The following SPINK13 variants were observed in gnomAD, a reference collection of about 807,000 sequenced individuals.
SPINK13 encodes serine peptidase inhibitor Kazal type 13.
In SPINK13, 11 loss-of-function variants were observed where a neutral mutation model predicts 11.0. That is an observed-to-expected ratio of 1.00 (90% confidence interval 0.63 to 1.65). The LOEUF is 1.65. Among genes scored for constraint, SPINK13 ranks in the 40% most tolerant of loss-of-function variants. SPINK13 has a pLI of 0.00. For synonymous variants in SPINK13, 31 were observed against 35.6 expected (o/e 0.87, Z 0.46); for missense variants, 113 against 117.7 (o/e 0.96, Z 0.19).
intron 3 of SPINK13, among the ~76,000 whole-genome samples, chr5:148,279,091 CTTTTTTTTTTT>C (rs746029113): frequency 1.4e-4 from 7 of 51,660 alleles, no homozygotes; most frequent in African/African-American, 4.8e-4. Context: ...GCAACCCCTG[CTTTTTTTTTTT>C]TTTTTTTTTT....
chr5:148,274,864 T>C (rs576740052), intron 3 of SPINK13, among the ~76,000 whole-genome samples: 1 of 152,210 alleles, frequency 6.6e-6, no homozygotes, highest in Non-Finnish European at 1.5e-5. Context: ...TAAAATATAA[T>C]ATTTTAGTAA....
intron 1 of SPINK13, 100 bp from the exon 2 acceptor site, chr5:148,269,940 C>A: frequency 2.7e-6 from 2 of 730,440 alleles, no homozygotes; most frequent in Non-Finnish European, 4.4e-6. Flanking sequence ...ATCACCAGGG[C>A]AAGTGTACAG....
At chr5:148,276,724 T>A (rs1756435265) in intron 3 of SPINK13, among the ~76,000 whole-genome samples, 2 of 152,220 alleles carry the variant, frequency 1.3e-5, no homozygotes. Context: ...CCTCTAGATT[T>A]GTTCTTTTTG....
At chr5:148,285,960 T>C (rs376107635) in intron 4 of SPINK13, 40 bp from the exon 5 acceptor site, 13 of 1,240,642 alleles carry the variant, frequency 1.0e-5, no homozygotes, top group South Asian at 7.0e-5. Flanking sequence ...ATGTTCACTT[T>C]CCTTATGATA....
At chr5:148,269,216 T>G (rs1756310353) in intron 1 of SPINK13, among the ~76,000 whole-genome samples, 1 of 152,190 alleles carries the variant, frequency 6.6e-6, no homozygotes, top group Admixed American at 6.5e-5. Flanking sequence ...CAATTTAATA[T>G]GTTTAAACTC....
At chr5:148,279,256 T>C (rs1235517556) in intron 3 of SPINK13, among the ~76,000 whole-genome samples, 1 of 152,152 alleles carries the variant, frequency 6.6e-6, no homozygotes, top group Non-Finnish European at 1.5e-5. Flanking sequence ...TGTCTTTTAA[T>C]TGGGGCATTT....
chr5:148,279,091 C>CTTTTTTTTTTTTTTT (rs746029113), intron 3 of SPINK13, among the ~76,000 whole-genome samples: 100 of 51,686 alleles, frequency 1.9e-3, no homozygotes, highest in Middle Eastern at 0.018. Context: ...GCAACCCCTG[C>CTTTTTTTTTTTTTTT]TTTTTTTTTT....
At chr5:148,269,690 G>T (rs1756318021) in intron 1 of SPINK13, among the ~76,000 whole-genome samples, 1 of 152,124 alleles carries the variant, frequency 6.6e-6, no homozygotes. Flanking sequence ...CAAGAAGGCA[G>T]CAGCTTAGGT....
At position 148,274,389 on chromosome 5, in the gene SPINK13, A is replaced by G. The variant is rs374641793; in HGVS notation, c.108+5A>G. On this transcript the variant is annotated splice_donor_5th_base_variant and intron_variant, in intron 3 of 4. Coordinates refer to ENST00000398450, the MANE Select transcript of SPINK13 (RefSeq NM_001040129.3). The stretch of plus-strand genomic sequence containing the variant: ...GACTTCACTAGGTGGCCTAAGGTAA[A>G]TTTAAATTTCTCAGTTCTAGGTTGT... 2.4e-5 allele frequency: 39 copies of G among 1,610,222 alleles called. No homozygotes were observed. In the African/African-American group the frequency reaches 4.9e-4, roughly 20 times the overall value.
chr5:148,272,216 T>C (rs1195811958), intron 2 of SPINK13, among the ~76,000 whole-genome samples: 2 of 152,186 alleles, frequency 1.3e-5, no homozygotes, highest in Non-Finnish European at 2.9e-5. Context: ...GAACGAGAGT[T>C]TCTCTTAGGT....
intron 3 of SPINK13, among the ~76,000 whole-genome samples, chr5:148,279,036 G>C (rs928672090): frequency 2.1e-5 from 3 of 145,336 alleles, no homozygotes; most frequent in African/African-American, 7.7e-5. Context: ...TTTGTCTCTT[G>C]TGATCTTTGT....
chr5:148,282,064 A>G (rs1351598424), intron 3 of SPINK13, 40 bp from the exon 4 acceptor site: 5 of 1,607,118 alleles, frequency 3.1e-6, no homozygotes, highest in East Asian at 2.2e-5. Context: ...GATGGGAGAG[A>G]GTGTATTATT....
chr5:148,283,160 T>G (rs545620152), intron 4 of SPINK13, among the ~76,000 whole-genome samples: 2 of 152,206 alleles, frequency 1.3e-5, no homozygotes, highest in East Asian at 3.9e-4. Flanking sequence ...GAAGTATTGC[T>G]TACCAGGGAA....
chr5:148,286,200 G>A lies in SPINK13; in HGVS notation c.*152G>A, dbSNP rs1280716758. On this transcript the variant is annotated 3_prime_UTR_variant, in exon 5 of 5. Coordinates refer to ENST00000398450, the MANE Select transcript of SPINK13 (RefSeq NM_001040129.3). ...GAGACAAAAATGAAGGAATCAAACT[G>A]ACAAGAACCAAATATCACATTTGTT... 4.8e-6 allele frequency: 2 copies of A among 413,536 alleles called. No homozygotes were observed. The highest frequency in any genetic ancestry group is 4.6e-5 in the Admixed American group (1 of 21,626). 25.6% of individuals were successfully genotyped at this position (413,536 alleles called of 1,614,324 possible). A position where few individuals can be genotyped will look rare whatever the true frequency, so the allele number is the denominator to read the frequency against.
chr5:148,282,328 CTT>C, intron 4 of SPINK13, 97 bp downstream of exon 4: 1 of 1,433,568 alleles, frequency 7.0e-7, no homozygotes, highest in Non-Finnish European at 9.4e-7. Context: ...CTGATGCATA[CTT>C]TTTTTAAAAA....
intron 2 of SPINK13, among the ~76,000 whole-genome samples, chr5:148,270,605 A>G (rs1756336305): frequency 6.6e-6 from 1 of 152,218 alleles, no homozygotes; most frequent in Non-Finnish European, 1.5e-5. Flanking sequence ...AACAAAACCT[A>G]TGTTACCTGC....
At position 148,270,114 on chromosome 5, in the gene SPINK13, C is replaced by A. The variant is rs967221712; in HGVS notation, c.42C>A (p.Cys14Ter). 3 of 1,614,050 alleles carry A rather than the reference C, an allele frequency of 1.9e-6. No homozygotes were observed. The South Asian group carries it at 3.3e-5, about 18-fold the overall frequency. ...ACAAGATTATATTTTTCCTGGTATGCTCTACTTTGACACATGTGGCTTTCT... is the reference window on the plus strand; with the variant it reads ...ACAAGATTATATTTTTCCTGGTATGATCTACTTTGACACATGTGGCTTTCT... ...FPHKIIFFLV[C>*]STLTHVAFSG... The change falls in exon 2 of 5, where the codon TGC becomes TGA. Residue 14 changes from cysteine (C) to a stop codon, truncating the protein, a stop_gained. Coordinates refer to ENST00000398450, the MANE Select transcript of SPINK13 (RefSeq NM_001040129.3). LOFTEE classifies it high-confidence loss of function.
chr5:148,271,528 C>T (rs879380199), intron 2 of SPINK13, among the ~76,000 whole-genome samples: 2 of 152,026 alleles, frequency 1.3e-5, no homozygotes, highest in Non-Finnish European at 2.9e-5. Context: ...GTCCATTCTT[C>T]TCATGCTCTT....
In SPINK13 at chr5:148,286,243, G is replaced by T; in HGVS notation, c.*195G>T. 2.9e-6 allele frequency: 1 copy of T among 339,262 alleles called. No individual in the cohort carries two copies. Among genetic ancestry groups the T allele is most frequent in the Non-Finnish European group, 5.4e-6 (1 of 186,608 alleles). The allele number at this position is 339,262 out of a possible 1,614,324, so 21.0% of individuals were successfully genotyped here. Reference sequence around the variant, plus strand: ...CATTTGTTACAAATAAACAACAAAAGAGCTGATATTCATTTCTGTGTATTG... The same window carrying T: ...CATTTGTTACAAATAAACAACAAAATAGCTGATATTCATTTCTGTGTATTG... On this transcript the variant is annotated 3_prime_UTR_variant, in exon 5 of 5. Coordinates refer to ENST00000398450, the MANE Select transcript of SPINK13 (RefSeq NM_001040129.3).
Sources: allele counts gnomAD v4.1 joint callset (sites outside exome capture counted in the v4.1 genomes callset), GRCh38; gene constraint gnomAD v4.1.1; transcripts MANE v1.5; gene names NCBI Gene and HGNC (gene_info 2026-07-23, HGNC 2026-07-21).